AMBRA1: variants seen among roughly 807,000 people sequenced by gnomAD.
AMBRA1 encodes autophagy and beclin 1 regulator 1.
AMBRA1 carries 47 observed loss-of-function variants against 125.4 expected under a neutral mutation model. The ratio of observed to expected loss-of-function variants is 0.37; its 90% CI spans 0.30 to 0.48. The LOEUF is 0.48. Ranked by LOEUF, AMBRA1 falls within the 20% of genes least tolerant of loss-of-function variation. The probability of loss-of-function intolerance (pLI) is 0.99; values close to 1 mark genes in which losing one functional copy is unlikely to be tolerated. For synonymous variants in AMBRA1, 626 were observed against 655.5 expected, an observed-to-expected ratio of 0.95 and a Z score of 0.69; for missense variants, 1,331 against 1,693.4, an observed-to-expected ratio of 0.79 and a Z score of 3.76.
chr11:46,490,164 G>A (rs1397105551), intron 11 of AMBRA1, among the ~76,000 whole-genome samples: 1 of 152,160 alleles, frequency 6.6e-6, no homozygotes, highest in Admixed American at 6.5e-5. Context: ...GTCAGCAGGG[G>A]GAGCTCCTCA....
intron 11 of AMBRA1, among the ~76,000 whole-genome samples, chr11:46,492,321 T>C (rs1041790050): frequency 3.9e-5 from 6 of 152,210 alleles, no homozygotes; most frequent in Non-Finnish European, 2.9e-5. Flanking sequence ...CCAGATCCCA[T>C]GGCCTTGATG....
rs117396687 is a variant in AMBRA1 at position 46,580,019 on chromosome 11, T to A, written c.-121+13809A>T. Among the ~76,000 whole-genome samples, 7 of 152,242 alleles carry A rather than the reference T, an allele frequency of 4.6e-5. No homozygotes were observed. In the South Asian group the frequency reaches 1.2e-3, roughly 27 times the overall value. ...TGAGTCACCACGCCCAGCCTACACA[T>A]GTCAATAATCAAAATACACAGACCA... On this transcript the variant is annotated intron_variant, in intron 1 of 17. Coordinates refer to ENST00000683756, the MANE Select transcript of AMBRA1 (RefSeq NM_001387011.1).
At chr11:46,465,313 G>C (rs1411818903) in intron 11 of AMBRA1, among the ~76,000 whole-genome samples, 1 of 152,124 alleles carries the variant, frequency 6.6e-6, no homozygotes, top group African/African-American at 2.4e-5. Context: ...GTGTGGCATG[G>C]CACACGCTCA....
Position 46,583,561 on chromosome 11 carries a change from G to A in AMBRA1, c.-121+10267C>T, listed in dbSNP as rs1174759000. Reference sequence around the variant, plus strand: ...AAAGAAACTACCATCAGAGTGAACAGGCAACCTACAAAATGGGAGAAAATT... The same window carrying A: ...AAAGAAACTACCATCAGAGTGAACAAGCAACCTACAAAATGGGAGAAAATT... On this transcript the variant is annotated intron_variant, in intron 1 of 17. Coordinates refer to ENST00000683756, the MANE Select transcript of AMBRA1 (RefSeq NM_001387011.1). Among the ~76,000 whole-genome samples, 19 of 132,460 alleles carry A rather than the reference G, an allele frequency of 1.4e-4. No homozygotes were observed. The Admixed American group carries it at 1.4e-3, about 10-fold the overall frequency. 86.9% of individuals were successfully genotyped at this position (132,460 alleles called of 152,430 possible). A position where few individuals can be genotyped will look rare whatever the true frequency, so the allele number is the denominator to read the frequency against.
intron 11 of AMBRA1, among the ~76,000 whole-genome samples, chr11:46,464,131 A>G (rs992164919): frequency 2.0e-5 from 3 of 152,218 alleles, no homozygotes; most frequent in Non-Finnish European, 4.4e-5. Flanking sequence ...AATATACAGA[A>G]TTAGGCAATG....
intron 1 of AMBRA1, among the ~76,000 whole-genome samples, chr11:46,557,765 G>T (rs1466716963): frequency 6.6e-6 from 1 of 152,174 alleles, no homozygotes; most frequent in East Asian, 1.9e-4. Context: ...CCCTGATCAT[G>T]CCACCACACT....
chr11:46,436,553 TCTGGTCTAGCCTGTAAGG>T (rs1947727855), intron 12 of AMBRA1, among the ~76,000 whole-genome samples: 1 of 152,226 alleles, frequency 6.6e-6, no homozygotes, highest in Non-Finnish European at 1.5e-5. Flanking sequence ...CAACCCACCA[TCTGGTCTAGCCTGTAAGG>T]CTAGATTTAT....
chr11:46,546,033 CT>C (rs35703280), intron 4 of AMBRA1: 4,999 of 139,124 alleles, frequency 0.036, 24 homozygotes, highest in South Asian at 0.11. Context: ...GTTCCTATTT[CT>C]TTTTTTTTTT....
intron 11 of AMBRA1, among the ~76,000 whole-genome samples, chr11:46,463,938 G>A (rs1370359304): frequency 3.9e-5 from 6 of 152,222 alleles, no homozygotes; most frequent in Non-Finnish European, 7.3e-5. Context: ...TTGCCTTGGG[G>A]CCAACAGGAT....
Position 46,525,745 on chromosome 11 carries a change from C to T in AMBRA1, c.2073-12932G>A, listed in dbSNP as rs549119879. On this transcript the variant is annotated intron_variant, in intron 7 of 17. Coordinates refer to ENST00000683756, the MANE Select transcript of AMBRA1 (RefSeq NM_001387011.1). Reference sequence around the variant, plus strand: ...CAGCCTGGGCAACAGAGCAAGACTCCGTCTCAAAAAAAAAAAAATTAGCCA... The same window carrying T: ...CAGCCTGGGCAACAGAGCAAGACTCTGTCTCAAAAAAAAAAAAATTAGCCA... Among the ~76,000 whole-genome samples, 12 of 150,228 alleles carry T rather than the reference C, an allele frequency of 8.0e-5. No homozygotes were observed. In the South Asian group the frequency reaches 1.3e-3, roughly 16 times the overall value.
At chr11:46,550,852 C>T (rs189688915) in intron 1 of AMBRA1, among the ~76,000 whole-genome samples, 17 of 150,558 alleles carry the variant, frequency 1.1e-4, no homozygotes, top group Admixed American at 4.7e-4. Context: ...TTTGGGAGGC[C>T]GAGACGGGCG....
At chr11:46,446,996 T>C (rs1407756898) in intron 11 of AMBRA1, among the ~76,000 whole-genome samples, 2 of 152,252 alleles carry the variant, frequency 1.3e-5, no homozygotes, top group African/African-American at 4.8e-5. Flanking sequence ...CCTGTCATTA[T>C]CTACTATAGT....
intron 7 of AMBRA1, among the ~76,000 whole-genome samples, chr11:46,515,289 A>G (rs1007397523): frequency 6.6e-6 from 1 of 152,220 alleles, no homozygotes; most frequent in African/African-American, 2.4e-5. Context: ...CCTGGGCAAC[A>G]TGGTGAGACT....
chr11:46,562,035 G>A (rs938165578), intron 1 of AMBRA1, among the ~76,000 whole-genome samples: 1 of 152,186 alleles, frequency 6.6e-6, no homozygotes, highest in Non-Finnish European at 1.5e-5. Flanking sequence ...AAAAGCTTAT[G>A]TGATTTTTAT....
chr11:46,554,859 T>C (rs532477251), intron 1 of AMBRA1, among the ~76,000 whole-genome samples: 1 of 152,290 alleles, frequency 6.6e-6, no homozygotes, highest in South Asian at 2.1e-4. Context: ...TGTGATACCG[T>C]CACACAGTCC....
chr11:46,581,929 C>T (rs1338186086), intron 1 of AMBRA1, among the ~76,000 whole-genome samples: 1 of 151,502 alleles, frequency 6.6e-6, no homozygotes, highest in East Asian at 1.9e-4. Flanking sequence ...TCAGCCTAGG[C>T]AACATAGTGA....
intron 9 of AMBRA1, among the ~76,000 whole-genome samples, chr11:46,495,855 C>A (rs1439644179): frequency 6.6e-6 from 1 of 152,128 alleles, no homozygotes; most frequent in African/African-American, 2.4e-5. Context: ...TCAATTAGTA[C>A]TGAACAAAGT....
chr11:46,404,439 T>G (rs1006308322), intron 17 of AMBRA1, among the ~76,000 whole-genome samples: 1 of 152,114 alleles, frequency 6.6e-6, no homozygotes, highest in Non-Finnish European at 1.5e-5. Context: ...GTGGTGTGAG[T>G]GCCTCAGAGC....
intron 11 of AMBRA1, among the ~76,000 whole-genome samples, chr11:46,488,955 T>G (rs917181143): frequency 6.6e-6 from 1 of 152,196 alleles, no homozygotes; most frequent in African/African-American, 2.4e-5. Context: ...GTCGCCCAAG[T>G]GCGGGGGCGA....
Sources: allele counts gnomAD v4.1 joint callset (sites outside exome capture counted in the v4.1 genomes callset), GRCh38; gene constraint gnomAD v4.1.1; transcripts MANE v1.5; gene names NCBI Gene and HGNC (gene_info 2026-07-23, HGNC 2026-07-21).